EBNA1BP2: variants seen among roughly 807,000 people sequenced by gnomAD.
EBNA1BP2 encodes probable rRNA-processing protein EBP2.
Under a neutral mutation model 43.5 loss-of-function variants are expected in EBNA1BP2, and 36 were observed. The observed-to-expected ratio is 0.83, with a 90% CI of 0.63 to 1.09. The LOEUF (loss-of-function observed/expected upper bound fraction) is 1.09, where lower values mean the gene tolerates loss of function less well. Among genes scored for constraint, EBNA1BP2 ranks in the 50% least tolerant of loss-of-function variants. The probability of loss-of-function intolerance (pLI) is 0.00; values close to 1 mark genes in which losing one functional copy is unlikely to be tolerated. For missense variants in EBNA1BP2, 332 were observed against 379.1 expected, an observed-to-expected ratio of 0.88 and a Z score of 1.03; for synonymous variants, 127 against 141.3, an observed-to-expected ratio of 0.90 and a Z score of 0.72.
chr1:43,166,754 C>T (rs1644920918), intron 7 of EBNA1BP2, 72 bp downstream of exon 7: 2 of 1,465,616 alleles, frequency 1.4e-6, no homozygotes, highest in African/African-American at 2.8e-5. Flanking sequence ...GGTGCTATGT[C>T]TGCCATACTC....
upstream of EBNA1BP2, chr1:43,172,393 A>T (rs553755913): frequency 6.4e-5 from 99 of 1,551,482 alleles, no homozygotes; most frequent in Admixed American, 4.1e-4. Context: ...GTTGCTTAGG[A>T]TCCCTACAGG....
rs778937681 is a variant in EBNA1BP2, at chr1:43,164,785, T to C, written c.728A>G (p.Tyr243Cys). The C allele has an allele frequency of 8.7e-6, 14 of 1,614,252 alleles. No individual in the cohort carries two copies. The highest frequency in any genetic ancestry group is 1.2e-5 in the Non-Finnish European group (14 of 1,180,048). Residue 243 changes from tyrosine (Y) to cysteine (C), a missense_variant, in exon 8 of 9, where the codon TAT (tyrosine) becomes TGT (cysteine). Around this residue, in one of 3 missense-constraint regions of EBNA1BP2, gnomAD observed 91 missense variants for 152.1 expected, o/e 0.60. Transcript: ENST00000236051. ...MRKGPSAKRR[Y>C]KNQKFGFGGK... ...ACCAAAACCAAACTTCTGGTTTTTA[T>C]ACCGTCGTTTAGCACTGGGCCTGGA...
upstream of EBNA1BP2, chr1:43,172,538 G>T: frequency 8.0e-7 from 1 of 1,255,174 alleles, no homozygotes; most frequent in Non-Finnish European, 1.1e-6. Context: ...AGCCGCGGGG[G>T]TGGGGTGGCG....
rs1305731136 is a variant in EBNA1BP2 at position 43,172,045 on chromosome 1, A to T, written c.66+8T>A. ...ACGCCCAGCCCCACGAGCTCGGCTG[A>T]CACCTACCTCTCTGTCTGTGACAAG... is the stretch of plus-strand genomic sequence containing the variant. On this transcript the variant is annotated splice_region_variant and intron_variant, in intron 1 of 8. Transcript: ENST00000236051. 5 of 1,614,038 alleles carry T rather than the reference A, an allele frequency of 3.1e-6. No homozygotes were observed. Among genetic ancestry groups the T allele is most frequent in the Non-Finnish European group, 4.2e-6 (5 of 1,180,014 alleles).
intron 3 of EBNA1BP2, 158 bp downstream of exon 3, chr1:43,171,321 T>G: frequency 1.1e-6 from 1 of 942,640 alleles, no homozygotes; most frequent in Non-Finnish European, 1.5e-6. Context: ...AAAGAGCTCT[T>G]CTCTCAAACA....
At position 43,166,809 on chromosome 1, in the gene EBNA1BP2, G is replaced by T; in HGVS notation, c.707+17C>A. 6.2e-7 allele frequency: 1 copy of T among 1,602,210 alleles called. No homozygotes were observed. The highest frequency in any genetic ancestry group is 1.1e-5 in the South Asian group (1 of 89,012). On this transcript the variant is annotated intron_variant, in intron 7 of 8. Transcript: ENST00000236051. ...CACCTCACAGAACCAAAGAAACCATGCCAAAACCCTTCTCACCCCTTCCTC... is the reference window on the plus strand; with the variant it reads ...CACCTCACAGAACCAAAGAAACCATTCCAAAACCCTTCTCACCCCTTCCTC...
Position 43,164,580 on chromosome 1 carries a change from C to T in EBNA1BP2, c.870+63G>A, listed in dbSNP as rs1366642624. 4 of 1,613,726 alleles carry T rather than the reference C, an allele frequency of 2.5e-6. No individual in the cohort carries two copies. In the East Asian group the frequency reaches 8.9e-5, roughly 36 times the overall value. On this transcript the variant is annotated intron_variant, in intron 8 of 8. Transcript: ENST00000236051. ...GACGAACAGAACTGAAGGGAGAGGGCAGGGTTGGGAGTGGGAGGGGAGGCT... is the reference window on the plus strand; with the variant it reads ...GACGAACAGAACTGAAGGGAGAGGGTAGGGTTGGGAGTGGGAGGGGAGGCT...
chr1:43,170,842 G>T lies in EBNA1BP2; in HGVS notation c.361C>A (p.Pro121Thr). 6.2e-7 allele frequency: 1 copy of T among 1,601,266 alleles called. No individual in the cohort carries two copies. Among genetic ancestry groups the T allele is most frequent in the Non-Finnish European group, 8.5e-7 (1 of 1,175,092 alleles). ...GGGACTTTGAGCTGATGGAGGCGGG[G>T]TAAGACTGCAAGCACTGCGGCCTGG... ...QAQAAVLAVL[P>T]RLHQLKVPTK... Residue 121 changes from proline to threonine, a missense_variant, in exon 4 of 9, where the codon CCC (proline) becomes ACC (threonine). Physicochemically the swap from Pro to Thr is conservative, Grantham distance 38 (BLOSUM62 -1). Coordinates refer to ENST00000236051, the MANE Select transcript of EBNA1BP2 (RefSeq NM_006824.3).
chr1:43,169,324 C>T (rs955980580), intron 4 of EBNA1BP2, among the ~76,000 whole-genome samples: 5 of 152,210 alleles, frequency 3.3e-5, no homozygotes, highest in African/African-American at 1.2e-4. Context: ...TTTCTACTGT[C>T]AGTAGACTGA....
In EBNA1BP2 at chr1:43,166,889, C is replaced by T. The variant is rs780000197; in HGVS notation, c.644G>A (p.Gly215Glu). 6.2e-7 allele frequency: 1 copy of T among 1,613,186 alleles called. No homozygotes were observed. The highest frequency in any genetic ancestry group is 1.1e-5 in the South Asian group (1 of 90,878). The change falls in exon 7 of 9, where the codon GGA (glycine) becomes GAA (glutamate). Residue 215 changes from glycine (G) to glutamate (E), a missense_variant. Physicochemically the swap from Gly to Glu is moderately conservative, Grantham distance 98. Around this residue, in one of 3 missense-constraint regions of EBNA1BP2, gnomAD observed 91 missense variants for 152.1 expected, o/e 0.60. Transcript: ENST00000236051. ...GCGCTGTGCCAGAGGTTTCTGATCTCCCTCAAGGAAATCCAGTTTATCAGA... is the reference window on the plus strand; with the variant it reads ...GCGCTGTGCCAGAGGTTTCTGATCTTCCTCAAGGAAATCCAGTTTATCAGA... ...GFSDKLDFLE[G>E]DQKPLAQRKK...
Position 43,164,809 on chromosome 1 carries a change from GA to G in EBNA1BP2, c.708-5del. 1 of 1,614,070 alleles carries G rather than the reference GA, an allele frequency of 6.2e-7. No homozygotes were observed. Among genetic ancestry groups the G allele is most frequent in the Non-Finnish European group, 8.5e-7 (1 of 1,179,978 alleles). On this transcript the variant is annotated splice_region_variant and splice_polypyrimidine_tract_variant and intron_variant, in intron 7 of 8. Transcript: ENST00000236051. The stretch of plus-strand genomic sequence containing the variant: ...ATACCGTCGTTTAGCACTGGGCCTG[GA>G]AAAGAATGGTCCTAGACATCACTAC...
At chr1:43,166,146 A>C (rs1351268818) in intron 7 of EBNA1BP2, among the ~76,000 whole-genome samples, 1 of 152,242 alleles carries the variant, frequency 6.6e-6, no homozygotes, top group Non-Finnish European at 1.5e-5. Context: ...TCAACTTAGC[A>C]GATGAGGCAA....
At chr1:43,172,326 C>T (rs1168408786), upstream of EBNA1BP2, 1 of 1,551,690 alleles carries the variant, frequency 6.4e-7, no homozygotes, top group Non-Finnish European at 8.7e-7. Context: ...CGGCGGCAAA[C>T]CATACTTCCG....
rs771354350 is a variant in EBNA1BP2 at position 43,171,905 on chromosome 1, T to C, written c.131A>G (p.Lys44Arg). The change falls in exon 2 of 9, where the codon AAG becomes AGG. Residue 44 changes from lysine to arginine, a missense_variant. Transcript: ENST00000236051. ...GCTCACCACGTCGTTCACGGCCTTC[T>C]TCGGCCCCTCTAGCACGACATTGAG... ...PGLNVVLEGP[K>R]KAVNDVNGLK... The C allele has an allele frequency of 2.9e-5, 47 of 1,614,002 alleles. No homozygotes were observed. Among genetic ancestry groups the C allele is most frequent in the Non-Finnish European group, 3.6e-5 (43 of 1,179,990 alleles).
chr1:43,169,314 T>C (rs1644939133), intron 4 of EBNA1BP2, among the ~76,000 whole-genome samples: 1 of 152,170 alleles, frequency 6.6e-6, no homozygotes, highest in Admixed American at 6.5e-5. Context: ...CTTCTCCCCA[T>C]TTCTACTGTC....
At chr1:43,168,791 C>T (rs1045085088) in intron 5 of EBNA1BP2, 148 bp downstream of exon 5, 2 of 830,490 alleles carry the variant, frequency 2.4e-6, no homozygotes, top group Non-Finnish European at 4.0e-6. Context: ...CAAGATTGTG[C>T]TCATGAATAC....
Position 43,167,251 on chromosome 1 carries a change from A to G in EBNA1BP2, c.538-16T>C, listed in dbSNP as rs759567170. 1 of 1,613,180 alleles carries G rather than the reference A, an allele frequency of 6.2e-7. No individual in the cohort carries two copies. Among genetic ancestry groups the G allele is most frequent in the African/African-American group, 1.3e-5 (1 of 74,928 alleles). The stretch of plus-strand genomic sequence containing the variant: ...CCGTTTGCACCTGTGATATGAACAC[A>G]AGGACCGTTACAGCCATTCCATACC... On this transcript the variant is annotated splice_polypyrimidine_tract_variant and intron_variant, in intron 5 of 8. Coordinates refer to ENST00000236051, the MANE Select transcript of EBNA1BP2 (RefSeq NM_006824.3).
At chr1:43,171,088 C>A (rs1007064480) in intron 3 of EBNA1BP2, 3 of 635,636 alleles carry the variant, frequency 4.7e-6, no homozygotes, top group Non-Finnish European at 7.0e-6. Flanking sequence ...AGGGGTGTTG[C>A]TAAAAATAGT....
rs1644989250 is a variant in EBNA1BP2 at position 43,172,200 on chromosome 1, C to CGCT, written c.-85_-83dup. ...GCGGCTAGCAGAGGGCGGCCCTGGCCGCTGCTGCCTGCCTTCAGCCCCCTA... is the reference window on the plus strand; with the variant it reads ...GCGGCTAGCAGAGGGCGGCCCTGGCCGCTGCTGCTGCCTGCCTTCAGCCCCCTA... On this transcript the variant is annotated 5_prime_UTR_variant, in exon 1 of 9. Transcript: ENST00000236051. 1.3e-6 allele frequency: 2 copies of CGCT among 1,598,852 alleles called. No homozygotes were observed. The highest frequency in any genetic ancestry group is 2.2e-5 in the South Asian group (2 of 89,622).
Sources: gnomAD v4.1 joint callset for allele counts (sites outside exome capture counted in the v4.1 genomes callset) on GRCh38, gnomAD v4.1.1 for gene constraint, gnomAD v4.1.1 regional missense constraint, MANE v1.5 for transcripts, NCBI Gene and HGNC (gene_info 2026-07-23, HGNC 2026-07-21) for gene names.